Variants in EYA2 observed in about 807,000 individuals in gnomAD.
The protein encoded by EYA2 is protein phosphatase EYA2.
A neutral mutation model predicts 69.2 loss-of-function variants in EYA2; 31 were observed. The ratio of observed to expected loss-of-function variants is 0.45; its 90% confidence interval spans 0.34 to 0.60. EYA2 has a LOEUF of 0.60. EYA2 is among the 20% of genes least tolerant of loss of function. The pLI is 0.02. For synonymous variants in EYA2, 257 were observed against 279.4 expected, an observed-to-expected ratio of 0.92 and a Z score of 0.80; for missense variants, 622 against 701.2, an observed-to-expected ratio of 0.89 and a Z score of 1.28.
At chr20:47,160,319 C>T (rs1306666782) in intron 10 of EYA2, among the ~76,000 whole-genome samples, 2 of 152,196 alleles carry the variant, frequency 1.3e-5, no homozygotes, top group Non-Finnish European at 2.9e-5. Flanking sequence ...ACTCAGTTCT[C>T]CTGCAGTAGC....
chr20:46,959,591 ACT>A (rs2146286210), intron 1 of EYA2, among the ~76,000 whole-genome samples: 1 of 151,964 alleles, frequency 6.6e-6, no homozygotes, highest in Admixed American at 6.5e-5. Flanking sequence ...CTCCTGCATC[ACT>A]CTGCCGTTGG....
At chr20:47,054,635 C>A (rs112878689) in intron 5 of EYA2, among the ~76,000 whole-genome samples, 2 of 152,242 alleles carry the variant, frequency 1.3e-5, no homozygotes, top group African/African-American at 4.8e-5. Flanking sequence ...ACACTTGACA[C>A]CTGGGCAGCC....
At chr20:47,162,747 G>T (rs998759741) in intron 10 of EYA2, among the ~76,000 whole-genome samples, 1 of 151,684 alleles carries the variant, frequency 6.6e-6, no homozygotes, top group African/African-American at 2.4e-5. Context: ...TCAAACTCTT[G>T]GGCTCAGGAG....
chr20:47,018,657 A>G (rs1341468719), intron 5 of EYA2, among the ~76,000 whole-genome samples: 4 of 152,218 alleles, frequency 2.6e-5, no homozygotes, highest in Non-Finnish European at 5.9e-5. Flanking sequence ...GAAAAGGCTC[A>G]CAGTGTTCAA....
At chr20:46,946,054 C>G (rs1219588209) in intron 1 of EYA2, among the ~76,000 whole-genome samples, 1 of 152,190 alleles carries the variant, frequency 6.6e-6, no homozygotes, top group African/African-American at 2.4e-5. Context: ...GTACTGACCT[C>G]AGGATCTGGG....
At chr20:46,975,728 A>G (rs910997915) in intron 1 of EYA2, among the ~76,000 whole-genome samples, 8 of 152,246 alleles carry the variant, frequency 5.3e-5, no homozygotes, top group African/African-American at 1.9e-4. Context: ...TAGCCTGGCC[A>G]ACATGGCAAA....
At chr20:46,908,484 G>A (rs1263499202) in intron 1 of EYA2, among the ~76,000 whole-genome samples, 2 of 152,228 alleles carry the variant, frequency 1.3e-5, no homozygotes, top group East Asian at 3.8e-4. Context: ...TCAGAATCCA[G>A]CTGCCGTTCT....
intron 15 of EYA2, among the ~76,000 whole-genome samples, chr20:47,185,322 A>C (rs2034617999): frequency 1.7e-5 from 1 of 60,224 alleles, no homozygotes; most frequent in Non-Finnish European, 3.1e-5. Flanking sequence ...TTTTTTTGAG[A>C]CAGAATCTCA....
chr20:47,173,188 C>A (rs565178468), intron 12 of EYA2, among the ~76,000 whole-genome samples: 78 of 152,258 alleles, frequency 5.1e-4, no homozygotes, highest in African/African-American at 1.9e-3. Context: ...GTAGCAGCGA[C>A]AGCATCACCT....
intron 10 of EYA2, among the ~76,000 whole-genome samples, chr20:47,160,256 A>T (rs2034037380): frequency 6.6e-6 from 1 of 152,136 alleles, no homozygotes; most frequent in African/African-American, 2.4e-5. Context: ...TCTGTAAAGG[A>T]CCAGATAGTA....
intron 4 of EYA2, among the ~76,000 whole-genome samples, chr20:47,013,723 T>C (rs949396374): frequency 1.1e-4 from 17 of 152,224 alleles, no homozygotes; most frequent in African/African-American, 2.4e-5. Context: ...GCAGAGCCCA[T>C]GCAGGGCCTT....
At chr20:47,175,356 A>G (rs1020384831) in intron 12 of EYA2, among the ~76,000 whole-genome samples, 1 of 152,192 alleles carries the variant, frequency 6.6e-6, no homozygotes, top group Admixed American at 6.5e-5. Flanking sequence ...GGTTGAAATC[A>G]GGGGCCTTAG....
chr20:46,936,487 T>G (rs1202104527), intron 1 of EYA2, among the ~76,000 whole-genome samples: 1 of 152,040 alleles, frequency 6.6e-6, no homozygotes, highest in Non-Finnish European at 1.5e-5. Context: ...AATAAATGAA[T>G]AAATAGCCCT....
At chr20:47,091,980 C>A (rs1385099583) in intron 8 of EYA2, among the ~76,000 whole-genome samples, 1 of 152,110 alleles carries the variant, frequency 6.6e-6, no homozygotes, top group African/African-American at 2.4e-5. Flanking sequence ...TTGACAGCCC[C>A]ACCAAAATAG....
intron 7 of EYA2, among the ~76,000 whole-genome samples, chr20:47,082,685 A>G (rs548231208): frequency 2.6e-5 from 4 of 152,324 alleles, no homozygotes; most frequent in Middle Eastern, 3.4e-3. Context: ...ATCTCTATCA[A>G]CATCTCAGGC....
rs1484905031 is a variant in EYA2, at chr20:47,103,234, C to G, written c.888+6066C>G. 3.9e-5 allele frequency among the ~76,000 whole-genome samples: 6 copies of G among 152,228 alleles called. No homozygotes were observed. The South Asian group carries it at 1.2e-3, about 32-fold the overall frequency. On this transcript the variant is annotated intron_variant, in intron 9 of 15. Coordinates refer to ENST00000327619, the MANE Select transcript of EYA2 (RefSeq NM_005244.5). ...TATTTTCATCACCCCAAAAAGAAAC[C>G]CTATACTCACTAGCAGTCACCCCTG...
chr20:47,125,852 A>G (rs976815062), intron 9 of EYA2, among the ~76,000 whole-genome samples: 2 of 151,964 alleles, frequency 1.3e-5, no homozygotes, highest in African/African-American at 4.8e-5. Flanking sequence ...GGATAGTGTG[A>G]TGGTTTTGAT....
intron 1 of EYA2, among the ~76,000 whole-genome samples, chr20:46,940,517 C>T (rs918383287): frequency 6.6e-6 from 1 of 152,158 alleles, no homozygotes; most frequent in African/African-American, 2.4e-5. Context: ...ATAACAACGA[C>T]GGCAGTTACA....
chr20:46,969,987 G>A (rs182896548), intron 1 of EYA2, among the ~76,000 whole-genome samples: 15 of 152,298 alleles, frequency 9.8e-5, no homozygotes, highest in Admixed American at 5.2e-4. Flanking sequence ...TAAAACTTAC[G>A]ATGTTCCCAT....
Sources: allele counts gnomAD v4.1 joint callset (sites outside exome capture counted in the v4.1 genomes callset), GRCh38; gene constraint gnomAD v4.1.1; transcripts MANE v1.5; gene names NCBI Gene and HGNC (gene_info 2026-07-23, HGNC 2026-07-21).